RTL9: variants seen among roughly 807,000 people sequenced by gnomAD.
The protein encoded by RTL9 is retrotransposon Gag like 9.
Under a neutral mutation model 44.7 loss-of-function variants are expected in RTL9, and 19 were observed. The observed-to-expected ratio is 0.42, with a 90% CI of 0.30 to 0.62. RTL9 has a LOEUF of 0.62. Ranked by LOEUF, RTL9 falls within the 20% of genes least tolerant of loss-of-function variation. RTL9 has a pLI of 0.16. For missense variants in RTL9, 1,105 were observed against 1,080.6 expected (o/e 1.02, Z -0.32); for synonymous variants, 407 against 398.9 (o/e 1.02, Z -0.24).
intron 1 of RTL9, among the ~76,000 whole-genome samples, chrX:110,375,170 C>A (rs1258793964): frequency 9.0e-6 from 1 of 111,216 alleles, no homozygotes; most frequent in East Asian, 2.8e-4. Context: ...ACTGGAATTG[C>A]AAGACTAAAA....
chrX:110,387,375 A>G (rs947862812), intron 1 of RTL9, among the ~76,000 whole-genome samples: 5 of 112,190 alleles, frequency 4.5e-5, no homozygotes, highest in African/African-American at 1.6e-4. Flanking sequence ...ATTTAACTGG[A>G]CAAATTTCAC....
exon 1 of RTL9, chrX:110,453,728 T>G: frequency 8.3e-7 from 1 of 1,211,688 alleles, no homozygotes; most frequent in Non-Finnish European, 1.1e-6. Context: ...CCTCAGTTTC[T>G]GGATCGATGC....
intron 1 of RTL9, among the ~76,000 whole-genome samples, chrX:110,423,060 T>C (rs2068729257): frequency 8.9e-6 from 1 of 111,859 alleles, no homozygotes; most frequent in Admixed American, 9.4e-5. Flanking sequence ...GGGCGCGGTG[T>C]CTCATGCCTG....
Position 110,453,477 on chromosome X carries a change from A to G in RTL9, c.2860A>G (p.Met954Val), listed in dbSNP as rs1465520127. Residue 954 changes from methionine (M) to valine (V), a missense_variant, in exon 1 of 2, where the codon ATG becomes GTG. Coordinates refer to ENST00000540313, the Ensembl canonical transcript of RTL9. ...CTCTGGAGGGATGTCCAAGCCATTA[A>G]TGAGAGCCCCGGCCTCTGGAACAAT... 1.7e-6 allele frequency: 2 copies of G among 1,212,114 alleles called. No individual in the cohort carries two copies. Among genetic ancestry groups the G allele is most frequent in the South Asian group, 3.5e-5 (2 of 57,001 alleles).
At chrX:110,413,508 T>C (rs1194839480) in intron 1 of RTL9, among the ~76,000 whole-genome samples, 12 of 107,903 alleles carry the variant, frequency 1.1e-4, no homozygotes, top group African/African-American at 4.1e-4. Context: ...CATCCCCTCC[T>C]GGTCAACCCC....
chrX:110,416,960 A>AT (rs1452132175), upstream of RTL9, among the ~76,000 whole-genome samples: 1 of 111,923 alleles, frequency 8.9e-6, no homozygotes, highest in African/African-American at 3.3e-5. Flanking sequence ...TTTACTTCCA[A>AT]TTTTCGGTTT....
intron 1 of RTL9, among the ~76,000 whole-genome samples, chrX:110,394,791 T>C (rs1300401408): frequency 1.8e-5 from 2 of 112,470 alleles, no homozygotes; most frequent in Non-Finnish European, 3.8e-5. Flanking sequence ...AACTGGAAAA[T>C]GGAATCTGTA....
chrX:110,399,677 G>T (rs1446605070), intron 1 of RTL9, among the ~76,000 whole-genome samples: 1 of 111,672 alleles, frequency 9.0e-6, no homozygotes, highest in Non-Finnish European at 1.9e-5. Flanking sequence ...TGTGCGGCTA[G>T]CCTGCATTAC....
intron 1 of RTL9, among the ~76,000 whole-genome samples, chrX:110,403,384 T>A (rs968154810): frequency 8.9e-6 from 1 of 112,360 alleles, no homozygotes; most frequent in Non-Finnish European, 1.9e-5. Flanking sequence ...CCACTGAAAG[T>A]GGACTTGACC....
intron 1 of RTL9, among the ~76,000 whole-genome samples, chrX:110,412,657 T>C (rs889063322): frequency 1.8e-5 from 2 of 112,693 alleles, no homozygotes; most frequent in Non-Finnish European, 3.7e-5. Context: ...TACACATTAC[T>C]ATTCCAACTA....
At chrX:110,434,210 C>T (rs1319271459) in intron 1 of RTL9, among the ~76,000 whole-genome samples, 1 of 111,837 alleles carries the variant, frequency 8.9e-6, no homozygotes, top group Admixed American at 9.5e-5. Context: ...CCACTGGCAG[C>T]AGCAGGAGGG....
chrX:110,438,701 T>C (rs750271556), intron 1 of RTL9, among the ~76,000 whole-genome samples: 2 of 111,037 alleles, frequency 1.8e-5, no homozygotes, highest in South Asian at 7.9e-4. Context: ...TTAGCACTGA[T>C]ATTAACATTT....
rs774494023 is a variant in RTL9 at position 110,395,255 on chromosome X, GAT to G, written c.-168+36340_-168+36341del. 4.5e-5 allele frequency among the ~76,000 whole-genome samples: 5 copies of G among 111,973 alleles called. No individual in the cohort carries two copies. The East Asian group carries it at 1.4e-3, about 31-fold the overall frequency. ...CCTAACCTAGTGGGGAGATGAATCT[GAT>G]CTTTTGTCTCAAAGCCCACATTAAA... is the stretch of plus-strand genomic sequence containing the variant. On this transcript the variant is annotated intron_variant, in intron 1 of 2. Coordinates refer to the RTL9 transcript ENST00000520821.
chrX:110,455,544 T>C (rs761248358), exon 2 of RTL9: 92 of 357,886 alleles, frequency 2.6e-4, no homozygotes, highest in African/African-American at 2.1e-3. Context: ...ACTACAAGAG[T>C]GTATGGTGTA....
At chrX:110,449,173 G>T (rs909481902), upstream of RTL9, among the ~76,000 whole-genome samples, 5 of 110,140 alleles carry the variant, frequency 4.5e-5, no homozygotes, top group African/African-American at 1.7e-4. Context: ...GATGGACCCA[G>T]GAATCTATGT....
At chrX:110,453,192 T>C in exon 1 of RTL9, 1 of 1,211,759 alleles carries the variant, frequency 8.3e-7, no homozygotes, top group South Asian at 1.8e-5. Flanking sequence ...TGGAGGGATG[T>C]CCATGCCACT....
At chrX:110,434,523 C>T (rs1233677147) in intron 1 of RTL9, among the ~76,000 whole-genome samples, 1 of 111,414 alleles carries the variant, frequency 9.0e-6, no homozygotes, top group Non-Finnish European at 1.9e-5. Context: ...GTAGAAACCT[C>T]AGGGCTGGCT....
intron 1 of RTL9, among the ~76,000 whole-genome samples, chrX:110,370,522 TTA>T (rs1444996184): frequency 8.9e-6 from 1 of 112,620 alleles, no homozygotes; most frequent in African/African-American, 3.2e-5. Flanking sequence ...TCTCTCTTCT[TTA>T]TGTTAGCTTT....
upstream of RTL9, among the ~76,000 whole-genome samples, chrX:110,450,084 C>T (rs1305161368): frequency 9.0e-6 from 1 of 111,521 alleles, no homozygotes; most frequent in Non-Finnish European, 1.9e-5. Flanking sequence ...CATTCAGGGC[C>T]ATCAGAGTAG....
Sources: gnomAD v4.1 joint callset for allele counts (sites outside exome capture counted in the v4.1 genomes callset) on GRCh38, gnomAD v4.1.1 for gene constraint, MANE v1.5 for transcripts, NCBI Gene and HGNC (gene_info 2026-07-23, HGNC 2026-07-21) for gene names.